Variants in MTFR1 observed in about 807,000 individuals in gnomAD.
MTFR1 encodes the protein chondrocyte protein with a poly-proline region.
In MTFR1, 28 loss-of-function variants were observed where a neutral mutation model predicts 38.8. The observed-to-expected ratio is 0.72, with a 90% CI of 0.53 to 0.99. The LOEUF is 0.99. MTFR1 is among the 50% of genes least tolerant of loss of function. The probability of loss-of-function intolerance (pLI) is 0.00; values close to 1 mark genes in which losing one functional copy is unlikely to be tolerated. For synonymous variants in MTFR1, 145 were observed against 137.0 expected, an observed-to-expected ratio of 1.06 and a Z score of -0.41; for missense variants, 358 against 395.5, an observed-to-expected ratio of 0.91 and a Z score of 0.81.
intron 3 of MTFR1, among the ~76,000 whole-genome samples, chr8:65,768,558 C>T (rs554050693): frequency 6.6e-5 from 10 of 152,296 alleles, no homozygotes; most frequent in African/African-American, 2.4e-4. Context: ...TCTAATAAAC[C>T]TCTTTCTTTT....
At chr8:65,695,812 T>TTAG (rs1805425276) in intron 4 of MTFR1, among the ~76,000 whole-genome samples, 1 of 152,214 alleles carries the variant, frequency 6.6e-6, no homozygotes, top group African/African-American at 2.4e-5. Context: ...GGAAGGCCTA[T>TTAG]ACTCTATAAC....
intron 3 of MTFR1, among the ~76,000 whole-genome samples, chr8:65,744,571 T>C (rs80171861): frequency 0.039 from 5,974 of 152,274 alleles, 177 homozygotes; most frequent in Non-Finnish European, 0.06. Context: ...ACCCATACTC[T>C]GTAGATTCTG....
chr8:65,730,090 C>G (rs1044699999), intron 3 of MTFR1, among the ~76,000 whole-genome samples: 1 of 149,570 alleles, frequency 6.7e-6, no homozygotes, highest in Non-Finnish European at 1.5e-5. Context: ...TGCCTGAGCT[C>G]TGCCTTGGAA....
intron 1 of MTFR1, among the ~76,000 whole-genome samples, chr8:65,664,615 T>G (rs185137726): frequency 0.041 from 6,237 of 151,206 alleles, 188 homozygotes; most frequent in Non-Finnish European, 0.062. Context: ...CCTTTGTTTT[T>G]TTTTTTTTTT....
chr8:65,648,610 A>T (rs1809032775), intron 1 of MTFR1, among the ~76,000 whole-genome samples: 1 of 152,178 alleles, frequency 6.6e-6, no homozygotes, highest in South Asian at 2.1e-4. Context: ...TGATATCATT[A>T]AAAAATTTTT....
chr8:65,678,955 A>G (rs1427081201), intron 2 of MTFR1, among the ~76,000 whole-genome samples: 1 of 152,194 alleles, frequency 6.6e-6, no homozygotes, highest in Non-Finnish European at 1.5e-5. Flanking sequence ...TTTTTCTGAT[A>G]TTAAACAGAT....
chr8:65,655,316 C>T (rs1298887632), intron 1 of MTFR1, among the ~76,000 whole-genome samples: 5 of 152,104 alleles, frequency 3.3e-5, no homozygotes, highest in East Asian at 1.9e-4. Context: ...AAAGAATTTG[C>T]GCCAAGTTTG....
chr8:65,763,994 G>A (rs1808640597), intron 3 of MTFR1, among the ~76,000 whole-genome samples: 2 of 152,152 alleles, frequency 1.3e-5, no homozygotes, highest in African/African-American at 4.8e-5. Context: ...AAAGATTAGT[G>A]GTTCTTAAAT....
chr8:65,674,125 G>T (rs1479114188), intron 2 of MTFR1, among the ~76,000 whole-genome samples: 1 of 151,974 alleles, frequency 6.6e-6, no homozygotes, highest in African/African-American at 2.4e-5. Context: ...TAGGGATGGG[G>T]TTTCACCATG....
chr8:65,663,032 C>G (rs1411192726), intron 1 of MTFR1, among the ~76,000 whole-genome samples: 3 of 152,108 alleles, frequency 2.0e-5, no homozygotes, highest in Non-Finnish European at 4.4e-5. Context: ...GGGAGGTGTA[C>G]TCAACAGCTC....
chr8:65,770,545 A>T (rs1809034635), intron 3 of MTFR1, among the ~76,000 whole-genome samples: 1 of 152,230 alleles, frequency 6.6e-6, no homozygotes, highest in Non-Finnish European at 1.5e-5. Context: ...TATGGAAGCT[A>T]CAATTCAAGA....
At chr8:65,765,027 C>G (rs1016581841) in intron 3 of MTFR1, among the ~76,000 whole-genome samples, 1 of 152,124 alleles carries the variant, frequency 6.6e-6, no homozygotes, top group Non-Finnish European at 1.5e-5. Flanking sequence ...TAAAAATATA[C>G]TCAGTCTCTA....
At position 65,669,917 on chromosome 8, in the gene MTFR1, C is replaced by G. The variant is rs201786946; in HGVS notation, c.-36C>G. The G allele has an allele frequency of 3.2e-6, 5 of 1,582,356 alleles. No individual in the cohort carries two copies. In the South Asian group the frequency reaches 5.8e-5, roughly 18 times the overall value. ...GCTGCTATGTATGCCTGAAGAAGTACTTGAAATGCAAATTTGGGGAGACTT... is the reference window on the plus strand; with the variant it reads ...GCTGCTATGTATGCCTGAAGAAGTAGTTGAAATGCAAATTTGGGGAGACTT... On this transcript the variant is annotated 5_prime_UTR_variant, in exon 2 of 8. An upstream open reading frame in the 5' UTR gains an earlier in-frame stop. Transcript: ENST00000262146.
rs144772258 is a variant in MTFR1 at position 65,658,482 on chromosome 8, T to C, written c.-80-11391T>C. Among the ~76,000 whole-genome samples the C allele has an allele frequency of 8.5e-5, 13 of 152,348 alleles. No homozygotes were observed. In the East Asian group the frequency reaches 2.5e-3, roughly 29 times the overall value. ...TTTCCAATATTTATCTGGGTTTCTC[T>C]TCTACCAGCTGCCAACCAAAATTAA... On this transcript the variant is annotated intron_variant, in intron 1 of 7. Coordinates refer to ENST00000262146, the MANE Select transcript of MTFR1 (RefSeq NM_014637.4).
At chr8:65,706,494 A>G (rs879795884) in intron 5 of MTFR1, among the ~76,000 whole-genome samples, 2 of 152,164 alleles carry the variant, frequency 1.3e-5, no homozygotes, top group Non-Finnish European at 2.9e-5. Flanking sequence ...CCTGAGCTCA[A>G]ACTACCTGCC....
intron 4 of MTFR1, among the ~76,000 whole-genome samples, chr8:65,698,167 T>TC (rs1374396788): frequency 6.6e-6 from 1 of 151,406 alleles, no homozygotes; most frequent in East Asian, 1.9e-4. Flanking sequence ...TTTTTTTTTT[T>TC]CAGAAGGATC....
At chr8:65,664,614 T>G (rs1176881880) in intron 1 of MTFR1, among the ~76,000 whole-genome samples, 3 of 151,056 alleles carry the variant, frequency 2.0e-5, no homozygotes, top group African/African-American at 7.3e-5. Context: ...TCCTTTGTTT[T>G]TTTTTTTTTT....
chr8:65,767,955 G>A (rs1238204221), intron 3 of MTFR1, among the ~76,000 whole-genome samples: 1 of 152,202 alleles, frequency 6.6e-6, no homozygotes, highest in Non-Finnish European at 1.5e-5. Context: ...CTTGTGACTG[G>A]TGTCTGGGTT....
At chr8:65,727,308 T>TAACA in intron 3 of MTFR1, 1 of 1,612,328 alleles carries the variant, frequency 6.2e-7, no homozygotes, top group Non-Finnish European at 8.5e-7. Flanking sequence ...CAAGCTGAAG[T>TAACA]GTGACAAAAG....
Sources: gnomAD v4.1 joint callset for allele counts (sites outside exome capture counted in the v4.1 genomes callset) on GRCh38, gnomAD v4.1.1 for gene constraint, MANE v1.5 for transcripts, NCBI Gene and HGNC (gene_info 2026-07-23, HGNC 2026-07-21) for gene names.